The following FAF1 variants were observed in gnomAD, a reference collection of about 807,000 sequenced individuals.
FAF1 encodes FAS-associated factor 1.
Under a neutral mutation model 92.5 loss-of-function variants are expected in FAF1, and 25 were observed. The ratio of observed to expected loss-of-function variants is 0.27; its 90% CI spans 0.20 to 0.38. The LOEUF is 0.38. Among genes scored for constraint, FAF1 ranks in the 10% least tolerant of loss-of-function variants. The pLI is 1.00. For synonymous variants in FAF1, 234 were observed against 273.2 expected (o/e 0.86, Z 1.42); for missense variants, 636 against 793.3 (o/e 0.80, Z 2.38).
At chr1:50,574,898 C>CT (rs891527014) in intron 12 of FAF1, among the ~76,000 whole-genome samples, 3,245 of 71,494 alleles carry the variant, frequency 0.045, 745 homozygotes, top group Non-Finnish European at 0.063. Context: ...TGTATTAACT[C>CT]TTTTTTTTTT....
chr1:50,742,047 G>A (rs1659407169), intron 5 of FAF1, among the ~76,000 whole-genome samples: 2 of 152,106 alleles, frequency 1.3e-5, no homozygotes, highest in Admixed American at 6.6e-5. Flanking sequence ...CATGGCTCAT[G>A]CCTGTAATCT....
At chr1:50,672,005 C>G (rs1217137231) in intron 7 of FAF1, among the ~76,000 whole-genome samples, 2 of 142,872 alleles carry the variant, frequency 1.4e-5, no homozygotes, top group Non-Finnish European at 3.0e-5. Context: ...ACTATGTTGT[C>G]CAGGGTGGTC....
chr1:50,506,445 C>T (rs1215097078), intron 15 of FAF1, among the ~76,000 whole-genome samples: 2 of 152,160 alleles, frequency 1.3e-5, no homozygotes, highest in Non-Finnish European at 2.9e-5. Flanking sequence ...CTCTCCACCC[C>T]TTCTCCTTCA....
At chr1:50,593,527 A>C (rs1160400185) in intron 9 of FAF1, among the ~76,000 whole-genome samples, 1 of 152,208 alleles carries the variant, frequency 6.6e-6, no homozygotes, top group Non-Finnish European at 1.5e-5. Context: ...ATCTCATTAA[A>C]TTATGTCCGG....
intron 1 of FAF1, among the ~76,000 whole-genome samples, chr1:50,946,026 C>T (rs1645170061): frequency 6.6e-6 from 1 of 152,354 alleles, no homozygotes; most frequent in Middle Eastern, 3.4e-3. Context: ...ACTGAGCTGA[C>T]GGCTTTGCTT....
chr1:50,866,944 C>G (rs1644486387), intron 1 of FAF1, among the ~76,000 whole-genome samples: 1 of 152,062 alleles, frequency 6.6e-6, no homozygotes, highest in Non-Finnish European at 1.5e-5. Context: ...AACTATACTA[C>G]AAGGCTATGG....
intron 14 of FAF1, among the ~76,000 whole-genome samples, chr1:50,536,370 C>T (rs1157626062): frequency 1.3e-5 from 2 of 152,140 alleles, no homozygotes; most frequent in Non-Finnish European, 2.9e-5. Context: ...TCTCTCAAAC[C>T]TACAGGCAGA....
chr1:50,759,222 C>G (rs999060156), intron 4 of FAF1, among the ~76,000 whole-genome samples: 1 of 151,644 alleles, frequency 6.6e-6, no homozygotes, highest in African/African-American at 2.4e-5. Context: ...CATATGTATA[C>G]ATGTGCCATG....
chr1:50,605,296 T>C (rs1420889527), intron 8 of FAF1, among the ~76,000 whole-genome samples: 2 of 152,204 alleles, frequency 1.3e-5, no homozygotes, highest in African/African-American at 4.8e-5. Flanking sequence ...CTTATTGATT[T>C]TAGTGAGTAC....
chr1:50,686,450 G>A (rs1656660446), intron 7 of FAF1, among the ~76,000 whole-genome samples: 1 of 152,058 alleles, frequency 6.6e-6, no homozygotes, highest in Non-Finnish European at 1.5e-5. Flanking sequence ...GCTGGGGCAG[G>A]AGAATCACTT....
At chr1:50,526,739 CAACTGAAGAGCTGCCAGACTGTTTTCCA>C (rs1647826559) in intron 15 of FAF1, among the ~76,000 whole-genome samples, 1 of 152,146 alleles carries the variant, frequency 6.6e-6, no homozygotes, top group Admixed American at 6.5e-5. Flanking sequence ...TACATTTAAT[CAACTGAAGAGCTGCCAGACTGTTTTCCA>C]AAGCTGTTGC....
chr1:50,655,481 T>C lies in FAF1; in HGVS notation c.705A>G (p.Gln235=), dbSNP rs775785819. The C allele has an allele frequency of 6.8e-6, 11 of 1,613,828 alleles. No individual in the cohort carries two copies. The highest frequency in any genetic ancestry group is 4.5e-5 in the East Asian group (2 of 44,880). Residue 235 remains glutamine, a synonymous_variant, in exon 8 of 19, where the codon CAA becomes CAG. Coordinates refer to ENST00000396153, the MANE Select transcript of FAF1 (RefSeq NM_007051.3). ...YDLTSIPVRH[Q]LWEGWPTSAT... ...CAGAAGTTGGCCAGCCCTCCCATAATTGGTGGCGAACGGGGATACTTGTAA... is the reference window on the plus strand; with the variant it reads ...CAGAAGTTGGCCAGCCCTCCCATAACTGGTGGCGAACGGGGATACTTGTAA...
chr1:50,690,755 A>G (rs1656883965), intron 7 of FAF1, among the ~76,000 whole-genome samples: 1 of 152,240 alleles, frequency 6.6e-6, no homozygotes, highest in Non-Finnish European at 1.5e-5. Context: ...AGCAACCATT[A>G]ACTATTTTCC....
At chr1:50,468,383 C>T (rs540169409) in intron 18 of FAF1, among the ~76,000 whole-genome samples, 65 of 151,788 alleles carry the variant, frequency 4.3e-4, no homozygotes, top group African/African-American at 1.6e-3. Flanking sequence ...ACCTCCGCCT[C>T]CCAGGTTCAA....
At chr1:50,670,565 T>C (rs543703333) in intron 7 of FAF1, among the ~76,000 whole-genome samples, 6 of 152,342 alleles carry the variant, frequency 3.9e-5, no homozygotes, top group East Asian at 1.9e-4. Flanking sequence ...ACTATAAAGG[T>C]AGAAATACTG....
At chr1:50,625,249 T>G (rs1489875329) in intron 8 of FAF1, among the ~76,000 whole-genome samples, 2 of 152,170 alleles carry the variant, frequency 1.3e-5, no homozygotes, top group African/African-American at 4.8e-5. Flanking sequence ...TACTACAGCA[T>G]AAATTTGTTC....
intron 1 of FAF1, among the ~76,000 whole-genome samples, chr1:50,948,697 T>A (rs1645191224): frequency 6.6e-6 from 1 of 152,042 alleles, no homozygotes; most frequent in Non-Finnish European, 1.5e-5. Context: ...CATACCCAGC[T>A]GTATTTTTAG....
chr1:50,694,421 TGAG>T lies in FAF1; in HGVS notation c.657+11362_657+11364del, dbSNP rs199655087. On this transcript the variant is annotated intron_variant, in intron 7 of 18. Transcript: ENST00000396153. The stretch of plus-strand genomic sequence containing the variant: ...TAACTCTAATATTTGCTCTTGAAAT[TGAG>T]TTTTCATTAAAAAAATCAGGAATCT... Among the ~76,000 whole-genome samples the T allele has an allele frequency of 9.9e-3, 1,501 of 152,160 alleles. 23 individuals carry two copies. The highest frequency in any genetic ancestry group is 0.034 in the African/African-American group (1,424 of 41,522).
At chr1:50,881,663 AT>A (rs1042456348) in intron 1 of FAF1, among the ~76,000 whole-genome samples, 2 of 152,114 alleles carry the variant, frequency 1.3e-5, no homozygotes, top group Non-Finnish European at 2.9e-5. Context: ...ACCTGCAGGT[AT>A]TTTTGCAGAG....
Sources: allele counts gnomAD v4.1 joint callset (sites outside exome capture counted in the v4.1 genomes callset), GRCh38; gene constraint gnomAD v4.1.1; transcripts MANE v1.5; gene names NCBI Gene and HGNC (gene_info 2026-07-23, HGNC 2026-07-21).